Variants in FBXL7 observed in about 807,000 individuals in gnomAD.
FBXL7 encodes the protein F-box and leucine rich repeat protein 7.
Under a neutral mutation model 38.3 loss-of-function variants are expected in FBXL7, and 12 were observed. That is an observed-to-expected ratio of 0.31 (90% confidence interval 0.20 to 0.51). FBXL7 has a LOEUF of 0.51. Ranked by LOEUF, FBXL7 falls within the 20% of genes least tolerant of loss-of-function variation. FBXL7 has a pLI of 0.98. For synonymous variants in FBXL7, 297 were observed against 300.9 expected (o/e 0.99, Z 0.13); for missense variants, 567 against 676.4 (o/e 0.84, Z 1.79).
chr5:15,506,123 T>C (rs1229071291), intron 1 of FBXL7, among the ~76,000 whole-genome samples: 2 of 152,036 alleles, frequency 1.3e-5, no homozygotes. Flanking sequence ...TTTTTTTTTT[T>C]CCTGAAGAAC....
At chr5:15,669,288 C>T (rs963379745) in intron 2 of FBXL7, among the ~76,000 whole-genome samples, 6 of 152,154 alleles carry the variant, frequency 3.9e-5, no homozygotes, top group Non-Finnish European at 2.9e-5. Context: ...TTAATGTATA[C>T]ACCTCGGTGA....
chr5:15,648,253 T>C (rs919216299), intron 2 of FBXL7, among the ~76,000 whole-genome samples: 1 of 152,216 alleles, frequency 6.6e-6, no homozygotes, highest in Non-Finnish European at 1.5e-5. Context: ...GTGGATCTTA[T>C]ATGGTGTCTT....
Position 15,776,994 on chromosome 5 carries a change from GT to G in FBXL7, c.128-150892del, listed in dbSNP as rs1736872830. Among the ~76,000 whole-genome samples the G allele has an allele frequency of 1.3e-5, 2 of 151,876 alleles. 1 individual carries two copies. The highest frequency in any genetic ancestry group is 4.2e-4 in the South Asian group (2 of 4,816). On this transcript the variant is annotated intron_variant, in intron 2 of 3. Coordinates refer to ENST00000504595, the MANE Select transcript of FBXL7 (RefSeq NM_012304.5). ...ATCACTCTGTATATGATTGTGCTTT[GT>G]TTTCAGGAAGCTCAATATGCACACA...
At chr5:15,511,373 T>C (rs146231049) in intron 1 of FBXL7, among the ~76,000 whole-genome samples, 154 of 152,326 alleles carry the variant, frequency 1.0e-3, no homozygotes, top group African/African-American at 3.5e-3. Flanking sequence ...TAACTTTTAA[T>C]TGGTCTTTGC....
At chr5:15,728,951 G>A (rs72732035) in intron 2 of FBXL7, among the ~76,000 whole-genome samples, 2,674 of 152,146 alleles carry the variant, frequency 0.018, 32 homozygotes, top group Non-Finnish European at 0.029. Context: ...TCACCCTTAC[G>A]TAATCTGATT....
chr5:15,765,679 C>A (rs1736568079), intron 2 of FBXL7, among the ~76,000 whole-genome samples: 1 of 152,100 alleles, frequency 6.6e-6, no homozygotes, highest in South Asian at 2.1e-4. Flanking sequence ...TAAGTGGCAC[C>A]ATGCTTCCTC....
intron 2 of FBXL7, among the ~76,000 whole-genome samples, chr5:15,827,687 C>T (rs1738352725): frequency 6.6e-6 from 1 of 152,114 alleles, no homozygotes; most frequent in South Asian, 2.1e-4. Flanking sequence ...CCTCACAGCC[C>T]AATCACCACT....
intron 2 of FBXL7, among the ~76,000 whole-genome samples, chr5:15,637,243 T>G (rs1440247861): frequency 6.6e-6 from 1 of 152,156 alleles, no homozygotes; most frequent in Non-Finnish European, 1.5e-5. Flanking sequence ...GGAGCCAGTG[T>G]GAAAGTTTCT....
At chr5:15,822,121 G>T (rs1055486809) in intron 2 of FBXL7, among the ~76,000 whole-genome samples, 6 of 151,212 alleles carry the variant, frequency 4.0e-5, no homozygotes, top group Admixed American at 1.3e-4. Context: ...GGGAGGCTGA[G>T]TCAGGCGAAT....
At chr5:15,561,854 A>G (rs545002582) in intron 1 of FBXL7, among the ~76,000 whole-genome samples, 200 of 152,258 alleles carry the variant, frequency 1.3e-3, no homozygotes, top group Non-Finnish European at 2.1e-3. Context: ...ATAAAGTTGG[A>G]GGCATCACAT....
At chr5:15,823,501 G>C (rs1257797508) in intron 2 of FBXL7, among the ~76,000 whole-genome samples, 2 of 152,114 alleles carry the variant, frequency 1.3e-5, no homozygotes, top group East Asian at 3.9e-4. Flanking sequence ...TAGATTTGTA[G>C]ACTCTTAGTT....
intron 1 of FBXL7, among the ~76,000 whole-genome samples, chr5:15,508,148 T>C (rs1407648500): frequency 6.6e-6 from 1 of 152,182 alleles, no homozygotes; most frequent in Non-Finnish European, 1.5e-5. Flanking sequence ...AGACTTACAT[T>C]AGTCTTCGCT....
At chr5:15,516,987 A>G (rs1736958999) in intron 1 of FBXL7, among the ~76,000 whole-genome samples, 1 of 152,092 alleles carries the variant, frequency 6.6e-6, no homozygotes. Flanking sequence ...GGACTAATAC[A>G]TAGATATTGG....
At chr5:15,762,972 A>G (rs1287351418) in intron 2 of FBXL7, among the ~76,000 whole-genome samples, 1 of 152,162 alleles carries the variant, frequency 6.6e-6, no homozygotes, top group Non-Finnish European at 1.5e-5. Context: ...AATGGCCCCA[A>G]ATTGCTCTGA....
chr5:15,569,644 A>G (rs1172414855), intron 1 of FBXL7, among the ~76,000 whole-genome samples: 1 of 151,890 alleles, frequency 6.6e-6, no homozygotes, highest in African/African-American at 2.4e-5. Flanking sequence ...AGGAGTGGTG[A>G]GAGAGGGCAT....
intron 2 of FBXL7, among the ~76,000 whole-genome samples, chr5:15,718,268 T>C (rs899985734): frequency 2.0e-5 from 3 of 152,164 alleles, no homozygotes; most frequent in Non-Finnish European, 4.4e-5. Context: ...ACTCTTGCGC[T>C]TTTTTTGTAG....
At chr5:15,934,116 T>C (rs1281884316) in intron 3 of FBXL7, among the ~76,000 whole-genome samples, 1 of 152,164 alleles carries the variant, frequency 6.6e-6, no homozygotes, top group East Asian at 1.9e-4. Context: ...GCAATTCTCG[T>C]GCCTCAGCCT....
At chr5:15,533,583 A>G (rs1356631840) in intron 1 of FBXL7, among the ~76,000 whole-genome samples, 4 of 152,212 alleles carry the variant, frequency 2.6e-5, no homozygotes, top group African/African-American at 9.6e-5. Context: ...AATAAGGGGA[A>G]CAAAAATCAC....
At chr5:15,752,190 G>A (rs1736172258) in intron 2 of FBXL7, among the ~76,000 whole-genome samples, 1 of 152,096 alleles carries the variant, frequency 6.6e-6, no homozygotes. Context: ...AACATTAGGA[G>A]AAATAACTAA....
Sources: allele counts gnomAD v4.1 joint callset (sites outside exome capture counted in the v4.1 genomes callset), GRCh38; gene constraint gnomAD v4.1.1; transcripts MANE v1.5; gene names NCBI Gene and HGNC (gene_info 2026-07-23, HGNC 2026-07-21).